The following SLC9A3 variants were observed in gnomAD, a reference collection of about 807,000 sequenced individuals.
SLC9A3 encodes the protein solute carrier family 9 member A3.
A neutral mutation model predicts 86.8 loss-of-function variants in SLC9A3; 37 were observed. That is an observed-to-expected ratio of 0.43 (90% CI 0.33 to 0.56). The LOEUF (loss-of-function observed/expected upper bound fraction) is 0.56, where lower values mean the gene tolerates loss of function less well. Among genes scored for constraint, SLC9A3 ranks in the 20% least tolerant of loss-of-function variants. The pLI, the probability that SLC9A3 is intolerant of heterozygous loss-of-function variation, is 0.06. For synonymous variants in SLC9A3, 581 were observed against 528.3 expected, an observed-to-expected ratio of 1.10 and a Z score of -1.37; for missense variants, 1,011 against 1,171.9, an observed-to-expected ratio of 0.86 and a Z score of 2.00.
chr5:484,813 A>C, intron 4 of SLC9A3, 116 bp from the exon 5 acceptor site: 2 of 958,952 alleles, frequency 2.1e-6, no homozygotes, highest in East Asian at 2.6e-5. Context: ...TGGATCCCTC[A>C]CTCTCTTGGA....
intron 1 of SLC9A3, among the ~76,000 whole-genome samples, chr5:507,163 C>CTGCTTTTTT (rs1553999262): frequency 8.6e-5 from 3 of 34,754 alleles, no homozygotes; most frequent in African/African-American, 2.6e-4. Context: ...CCGGCTGCTG[C>CTGCTTTTTT]TTCTTTTTTT....
chr5:505,323 GAGA>G (rs1740499663), intron 1 of SLC9A3, among the ~76,000 whole-genome samples: 1 of 21,678 alleles, frequency 4.6e-5, no homozygotes. Context: ...AGTGACCACG[GAGA>G]GGGGAGAGTG....
intron 9 of SLC9A3, chr5:480,840 G>A (rs992924096): frequency 6.6e-6 from 1 of 152,294 alleles, no homozygotes; most frequent in Non-Finnish European, 1.5e-5. Flanking sequence ...TTTATTATAA[G>A]TGTCACATGT....
Position 476,611 on chromosome 5 carries a change from T to C in SLC9A3, c.1822A>G (p.Ile608Val). 1.2e-6 allele frequency: 2 copies of C among 1,610,232 alleles called. No individual in the cohort carries two copies. Among genetic ancestry groups the C allele is most frequent in the Non-Finnish European group, 1.7e-6 (2 of 1,179,880 alleles). ...GTGACCATGTCCTCCGCGTCCCGGA[T>C]GCTCCGCCGTCGCTGCTCCAGAGAC... The part of the protein sequence containing the change: ...MQSLEQRRRS[I>V]RDAEDMVTHH... Residue 608 changes from isoleucine (I) to valine (V), a missense_variant, in exon 12 of 17, where the codon ATC (isoleucine) becomes GTC (valine). Physicochemically the swap from Ile to Val is conservative, Grantham distance 29. Coordinates refer to ENST00000264938, the MANE Select transcript of SLC9A3 (RefSeq NM_004174.4).
rs180934831 is a variant in SLC9A3, at chr5:481,745, G to A, written c.1447-110C>T. 1,211 of 734,694 alleles carry A rather than the reference G, an allele frequency of 1.6e-3. 2 individuals are homozygous for A. Among genetic ancestry groups the A allele is most frequent in the Non-Finnish European group, 2.2e-3 (1,045 of 471,166 alleles). The allele number at this position is 734,694 out of a possible 1,614,324, so 45.5% of individuals were successfully genotyped here. ...GGAACCCACCAGCCCCCCTCACCAC[G>A]CCCCTGGCCTGGACGCAGCCTCCTC... On this transcript the variant is annotated intron_variant, in intron 8 of 16. Transcript: ENST00000264938.
chr5:506,806 G>A lies in SLC9A3; in HGVS notation c.212-14735C>T, dbSNP rs377342015. On this transcript the variant is annotated intron_variant, in intron 1 of 16. Coordinates refer to ENST00000264938, the MANE Select transcript of SLC9A3 (RefSeq NM_004174.4). Reference sequence around the variant, plus strand: ...TTGGGGGCCGGGCGCGGTGGCTCACGCCTGTAATCTCAGCACTTTGGGAGG... The same window carrying A: ...TTGGGGGCCGGGCGCGGTGGCTCACACCTGTAATCTCAGCACTTTGGGAGG... Among the ~76,000 whole-genome samples the A allele has an allele frequency of 3.9e-5, 6 of 151,900 alleles. No individual in the cohort carries two copies. The East Asian group carries it at 5.8e-4, about 15-fold the overall frequency.
intron 2 of SLC9A3, 46 bp from the exon 3 acceptor site, chr5:488,522 C>T (rs187932728): frequency 2.1e-4 from 317 of 1,480,704 alleles, no homozygotes; most frequent in African/African-American, 7.2e-4. Flanking sequence ...GCCTGCCACC[C>T]GAGGAGGAGG....
At chr5:514,524 A>C (rs1733668661) in intron 1 of SLC9A3, among the ~76,000 whole-genome samples, 3 of 152,178 alleles carry the variant, frequency 2.0e-5, no homozygotes, top group Admixed American at 6.5e-5. Context: ...AGTCCTGCCC[A>C]GTGGCTCCCA....
chr5:519,304 T>C (rs1278634193), intron 1 of SLC9A3, among the ~76,000 whole-genome samples: 1 of 152,144 alleles, frequency 6.6e-6, no homozygotes, highest in Non-Finnish European at 1.5e-5. Context: ...CCCCAGAACC[T>C]CCTTTCCTAT....
At chr5:486,343 C>T (rs1338785366) in intron 3 of SLC9A3, among the ~76,000 whole-genome samples, 2 of 152,216 alleles carry the variant, frequency 1.3e-5, no homozygotes, top group Non-Finnish European at 2.9e-5. Flanking sequence ...GCACGTGCCC[C>T]TCGGATGGCC....
At position 472,928 on chromosome 5, in the gene SLC9A3, C is replaced by A; in HGVS notation, c.*451G>T. The A allele has an allele frequency of 1.8e-6, 1 of 545,350 alleles. No homozygotes were observed. The highest frequency in any genetic ancestry group is 3.3e-6 in the Non-Finnish European group (1 of 304,256). The allele number at this position is 545,350 out of a possible 1,614,324, so 33.8% of individuals were successfully genotyped here. On this transcript the variant is annotated 3_prime_UTR_variant, in exon 17 of 17. Coordinates refer to ENST00000264938, the MANE Select transcript of SLC9A3 (RefSeq NM_004174.4). ...CAGCGGTGGGAAAGGGCGCGAGCGGCCAGCCATGGCGCGCGGACCCTTCCC... is the reference window on the plus strand; with the variant it reads ...CAGCGGTGGGAAAGGGCGCGAGCGGACAGCCATGGCGCGCGGACCCTTCCC...
chr5:489,849 G>A (rs958983283), intron 2 of SLC9A3, among the ~76,000 whole-genome samples: 12 of 152,200 alleles, frequency 7.9e-5, no homozygotes, highest in African/African-American at 2.4e-4. Context: ...AGTTGCCCAC[G>A]GCCGTGCCAG....
intron 5 of SLC9A3, 79 bp downstream of exon 5, chr5:484,441 C>T (rs988304777): frequency 1.1e-5 from 15 of 1,388,026 alleles, no homozygotes; most frequent in Middle Eastern, 3.6e-4. Context: ...CTGGCTGGCT[C>T]GCCCTGCCGG....
intron 1 of SLC9A3, among the ~76,000 whole-genome samples, chr5:492,811 G>A (rs886861745): frequency 6.6e-6 from 1 of 152,160 alleles, no homozygotes; most frequent in Admixed American, 6.5e-5. Context: ...CTTGAGGCTG[G>A]CTGTGTTTCA....
chr5:519,515 G>C (rs1007925295), intron 1 of SLC9A3, among the ~76,000 whole-genome samples: 3 of 152,208 alleles, frequency 2.0e-5, no homozygotes, highest in Admixed American at 2.0e-4. Flanking sequence ...GGCTGCACCT[G>C]GGAGAAATCC....
intron 1 of SLC9A3, among the ~76,000 whole-genome samples, chr5:506,255 G>A (rs1310900444): frequency 6.6e-6 from 1 of 152,184 alleles, no homozygotes; most frequent in Non-Finnish European, 1.5e-5. Context: ...TCTTGATATT[G>A]ATGCCACCCA....
At chr5:499,376 C>A (rs748384954) in intron 1 of SLC9A3, among the ~76,000 whole-genome samples, 2 of 152,246 alleles carry the variant, frequency 1.3e-5, no homozygotes, top group African/African-American at 2.4e-5. Context: ...GAGGGCCTGA[C>A]CCGGGCAGTG....
At chr5:485,030 A>T in intron 4 of SLC9A3, 123 bp downstream of exon 4, 1 of 760,194 alleles carries the variant, frequency 1.3e-6, no homozygotes, top group Non-Finnish European at 2.4e-6. Context: ...TGACGTGGAC[A>T]GAAGGGCCCA....
At position 471,818 on chromosome 5, in the gene SLC9A3, G is replaced by A. The variant is rs1472993064; in HGVS notation, c.*1561C>T. On this transcript the variant is annotated 3_prime_UTR_variant, in exon 17 of 17. Transcript: ENST00000264938. ...TCATGCAGGCTTTTGTGTGGCTGACGCTTCCCTTTTTCACAACAGTAAAAA... is the reference window on the plus strand; with the variant it reads ...TCATGCAGGCTTTTGTGTGGCTGACACTTCCCTTTTTCACAACAGTAAAAA... 4.4e-6 allele frequency: 2 copies of A among 456,552 alleles called. No individual in the cohort carries two copies. The highest frequency in any genetic ancestry group is 1.5e-5 in the South Asian group (1 of 64,574). 28.3% of individuals were successfully genotyped at this position (456,552 alleles called of 1,614,324 possible).
Sources: gnomAD v4.1 joint callset for allele counts (sites outside exome capture counted in the v4.1 genomes callset) on GRCh38, gnomAD v4.1.1 for gene constraint, MANE v1.5 for transcripts, NCBI Gene and HGNC (gene_info 2026-07-23, HGNC 2026-07-21) for gene names.